ANKFY1: variants seen among roughly 807,000 people sequenced by gnomAD.
ANKFY1 encodes the protein ankyrin repeat and FYVE domain containing 1, also known as ankyrin repeat and FYVE domain-containing protein 1.
ANKFY1 carries 47 observed loss-of-function variants against 128.3 expected under a neutral mutation model. That is an observed-to-expected ratio of 0.37 (90% CI 0.29 to 0.47). The LOEUF (loss-of-function observed/expected upper bound fraction) is 0.47. Ranked by LOEUF, ANKFY1 falls within the 20% of genes least tolerant of loss-of-function variation. The pLI, the probability that ANKFY1 is intolerant of heterozygous loss-of-function variation, is 1.00. For missense variants in ANKFY1, 1,222 were observed against 1,510.6 expected (o/e 0.81, Z 3.17); for synonymous variants, 553 against 601.6 (o/e 0.92, Z 1.18).
intron 3 of ANKFY1, chr17:4,222,465 T>C (rs2060342405): frequency 7.3e-6 from 6 of 818,994 alleles, no homozygotes; most frequent in Admixed American, 1.7e-5. Flanking sequence ...AAGCGGACAA[T>C]GTTTTGGCAA....
At chr17:4,216,146 C>A (rs1191190701) in intron 4 of ANKFY1, among the ~76,000 whole-genome samples, 2 of 152,228 alleles carry the variant, frequency 1.3e-5, no homozygotes, top group Admixed American at 6.5e-5. Context: ...TGGGAAAACA[C>A]CAGCCCATGA....
intron 3 of ANKFY1, among the ~76,000 whole-genome samples, chr17:4,217,574 C>T (rs1489984619): frequency 6.6e-6 from 1 of 152,110 alleles, no homozygotes; most frequent in African/African-American, 2.4e-5. Flanking sequence ...GCAGTCTGGG[C>T]AACATCTGAC....
chr17:4,183,914 A>C lies in ANKFY1; in HGVS notation c.1700-4T>G. On this transcript the variant is annotated splice_polypyrimidine_tract_variant and splice_region_variant and intron_variant, in intron 12 of 24. Coordinates refer to ENST00000341657, the MANE Select transcript of ANKFY1 (RefSeq NM_001330063.2). ...TTGGTGGCATGAAGAGCATTGGCTA[A>C]ATGTTTGAAAAAGTAAAAGAACACT... 1 of 1,607,680 alleles carries C rather than the reference A, an allele frequency of 6.2e-7. No individual in the cohort carries two copies. Among genetic ancestry groups the C allele is most frequent in the Non-Finnish European group, 8.5e-7 (1 of 1,174,210 alleles).
At chr17:4,229,676 C>T (rs539062935) in intron 3 of ANKFY1, among the ~76,000 whole-genome samples, 11 of 152,194 alleles carry the variant, frequency 7.2e-5, no homozygotes, top group South Asian at 2.1e-4. Flanking sequence ...AGAATATAAC[C>T]GCAGATAAAA....
chr17:4,223,272 G>A (rs1598104551), intron 3 of ANKFY1: 2 of 895,574 alleles, frequency 2.2e-6, no homozygotes, highest in Non-Finnish European at 3.8e-6. Flanking sequence ...ATGAACTGAG[G>A]GAATCTTCAC....
At chr17:4,263,895 C>G (rs376297943) in intron 1 of ANKFY1, 37 bp downstream of exon 1, 25 of 1,613,588 alleles carry the variant, frequency 1.5e-5, no homozygotes, top group Non-Finnish European at 1.9e-5. Context: ...CCCCACAGCT[C>G]CGTGTCTTCC....
intron 2 of ANKFY1, among the ~76,000 whole-genome samples, chr17:4,240,398 A>T (rs28495342): frequency 0.029 from 4,012 of 139,506 alleles, 153 homozygotes; most frequent in African/African-American, 0.088. Flanking sequence ...TTATTTATTT[A>T]TTTATTTTTT....
Position 4,205,155 on chromosome 17 carries a change from G to A in ANKFY1, c.898+1166C>T, listed in dbSNP as rs184686641. On this transcript the variant is annotated intron_variant, in intron 7 of 24. Transcript: ENST00000341657. The stretch of plus-strand genomic sequence containing the variant: ...AAAATATAGATGATTAAGATGGAAC[G>A]AAACAAGTAGATTCTCTCTTTGATG... 4.6e-5 allele frequency among the ~76,000 whole-genome samples: 7 copies of A among 152,254 alleles called. No individual in the cohort carries two copies. In the East Asian group the frequency reaches 1.2e-3, roughly 25 times the overall value.
intron 11 of ANKFY1, chr17:4,186,997 GT>G (rs980749516): frequency 5.4e-5 from 66 of 1,216,318 alleles, no homozygotes; most frequent in Admixed American, 2.6e-4. Flanking sequence ...CGCCGCAACT[GT>G]TTTTTTTAAA....
chr17:4,257,220 T>C (rs895460395), intron 1 of ANKFY1, among the ~76,000 whole-genome samples: 1 of 152,144 alleles, frequency 6.6e-6, no homozygotes, highest in East Asian at 1.9e-4. Flanking sequence ...CTTTCTCCCA[T>C]CAGTCCTCAC....
At chr17:4,228,009 TA>T (rs1399663537) in intron 3 of ANKFY1, among the ~76,000 whole-genome samples, 1 of 152,082 alleles carries the variant, frequency 6.6e-6, no homozygotes, top group African/African-American at 2.4e-5. Context: ...TCAAGAGATA[TA>T]AAAACATGTC....
At position 4,169,178 on chromosome 17, in the gene ANKFY1, C is replaced by T. The variant is rs755042279; in HGVS notation, c.3377+20G>A. On this transcript the variant is annotated intron_variant, in intron 24 of 24. Transcript: ENST00000341657. The surrounding 1 kb of genome is among the most constrained non-coding windows in gnomAD (Gnocchi z 5.0). ...CAGCGGCAGTCCCCTCGCTCCTTGC[C>T]AGTGACGCTGGGGTCTTACCAGTGG... The T allele has an allele frequency of 1.9e-6, 3 of 1,545,154 alleles. No individual in the cohort carries two copies. The Admixed American group carries it at 5.9e-5, about 30-fold the overall frequency.
chr17:4,238,902 G>A (rs1967058534), intron 2 of ANKFY1, among the ~76,000 whole-genome samples: 1 of 152,220 alleles, frequency 6.6e-6, no homozygotes, highest in Admixed American at 6.5e-5. Context: ...GGGATTACAG[G>A]CATGTGCCGC....
chr17:4,259,510 G>C (rs1968294388), intron 1 of ANKFY1, among the ~76,000 whole-genome samples: 1 of 152,188 alleles, frequency 6.6e-6, no homozygotes, highest in Non-Finnish European at 1.5e-5. Flanking sequence ...TGGAACTCCT[G>C]ACCTCAAGTG....
chr17:4,171,001 GC>G, intron 22 of ANKFY1, 140 bp from the exon 23 acceptor site: 7 of 1,181,098 alleles, frequency 5.9e-6, no homozygotes, highest in Middle Eastern at 2.8e-4. Context: ...ACATACGGGG[GC>G]CCCGAGGCTC....
At chr17:4,212,972 T>C (rs577893835) in intron 4 of ANKFY1, among the ~76,000 whole-genome samples, 1 of 151,904 alleles carries the variant, frequency 6.6e-6, no homozygotes, top group Non-Finnish European at 1.5e-5. Flanking sequence ...AGACGGGGTT[T>C]CCCCATGTTA....
chr17:4,167,748 A>G lies in ANKFY1; in HGVS notation c.*31T>C. The G allele has an allele frequency of 3.8e-6, 6 of 1,585,564 alleles. No individual in the cohort carries two copies. The highest frequency in any genetic ancestry group is 5.2e-6 in the Non-Finnish European group (6 of 1,162,976). ...AGAGCAGCTGCTGGGGAGGTGACCA[A>G]GGACGTGGCCTGGACCCTCCGGGGG... On this transcript the variant is annotated 3_prime_UTR_variant, in exon 25 of 25. Transcript: ENST00000341657. This position sits in a 1 kb window ranked among gnomAD's most constrained non-coding sequence, Gnocchi z 4.1.
chr17:4,195,247 G>A, intron 9 of ANKFY1, 70 bp from the exon 10 acceptor site: 1 of 1,486,114 alleles, frequency 6.7e-7, no homozygotes, highest in Non-Finnish European at 9.1e-7. Context: ...CAACAACCTG[G>A]TTCTTTCTCT....
intron 1 of ANKFY1, chr17:4,249,207 T>A (rs150954695): frequency 1.6e-4 from 125 of 781,564 alleles, no homozygotes; most frequent in Middle Eastern, 6.6e-4. Context: ...GCAAATATTT[T>A]AGGCTTTGGG....
Sources: gnomAD v4.1 joint callset for allele counts (sites outside exome capture counted in the v4.1 genomes callset) on GRCh38, gnomAD v4.1.1 for gene constraint, Gnocchi (gnomAD v3.1) non-coding constraint, MANE v1.5 for transcripts, NCBI Gene and HGNC (gene_info 2026-07-23, HGNC 2026-07-21) for gene names.